FNIP1: variants seen among roughly 807,000 people sequenced by gnomAD.
FNIP1 encodes the protein folliculin-interacting protein 1.
FNIP1 carries 40 observed loss-of-function variants against 124.5 expected under a neutral mutation model. The ratio of observed to expected loss-of-function variants is 0.32; its 90% CI spans 0.25 to 0.42. The LOEUF is 0.42. FNIP1 is among the 10% of genes least tolerant of loss of function. The pLI is 1.00. For missense variants in FNIP1, 1,176 were observed against 1,403.7 expected, an observed-to-expected ratio of 0.84 and a Z score of 2.59; for synonymous variants, 472 against 470.6, an observed-to-expected ratio of 1.00 and a Z score of -0.04.
chr5:131,766,437 G>A (rs1429855018), intron 1 of FNIP1, among the ~76,000 whole-genome samples: 1 of 152,162 alleles, frequency 6.6e-6, no homozygotes, highest in Non-Finnish European at 1.5e-5. Context: ...CTACAATTCA[G>A]TTGAATGCTG....
intron 6 of FNIP1, among the ~76,000 whole-genome samples, chr5:131,712,298 T>C (rs1391472771): frequency 6.6e-6 from 1 of 152,216 alleles, no homozygotes; most frequent in African/African-American, 2.4e-5. Flanking sequence ...ATGCTCCTTA[T>C]AACTTCCTTA....
Position 131,672,155 on chromosome 5 carries a change from T to C in FNIP1, c.2289A>G (p.Ser763=). 1.2e-6 allele frequency: 2 copies of C among 1,614,210 alleles called. No homozygotes were observed. The highest frequency in any genetic ancestry group is 1.1e-5 in the South Asian group (1 of 91,092). ...CTGCCTGACTTCGAAGCTCAGTATC[T>C]GAATCAGGTGACATAGAATCCCCAA... is the stretch of plus-strand genomic sequence containing the variant. The part of the protein sequence containing the change: ...FLIGDSMSPD[S]DTELRSQAVV... The change falls in exon 14 of 18, where the codon TCA becomes TCG. Residue 763 remains serine, a synonymous_variant. Transcript: ENST00000510461.
intron 2 of FNIP1, among the ~76,000 whole-genome samples, chr5:131,735,631 C>T (rs968859479): frequency 8.8e-5 from 13 of 147,520 alleles, no homozygotes; most frequent in East Asian, 2.0e-4. Context: ...TATATGTATA[C>T]GTATATACGT....
rs73252083 is a variant in FNIP1, at chr5:131,745,961, T to G, written c.93-1271A>C. On this transcript the variant is annotated intron_variant, in intron 1 of 17. Coordinates refer to ENST00000510461, the MANE Select transcript of FNIP1 (RefSeq NM_133372.3). ...GAAAAGTGTAACCAGAAAAGGGACG[T>G]AACAGGTGAACTGGCGCAATGACTA... Among the ~76,000 whole-genome samples, 290 of 152,346 alleles carry G rather than the reference T, an allele frequency of 1.9e-3. 2 individuals carry two copies. Among genetic ancestry groups the G allele is most frequent in the African/African-American group, 5.9e-3 (245 of 41,574 alleles).
At chr5:131,793,288 G>T (rs912148037) in intron 1 of FNIP1, among the ~76,000 whole-genome samples, 1 of 152,204 alleles carries the variant, frequency 6.6e-6, no homozygotes, top group Middle Eastern at 3.4e-3. Context: ...CCCGCCATGG[G>T]CCTCCCAAAG....
At chr5:131,684,943 A>C (rs1768224205) in intron 11 of FNIP1, among the ~76,000 whole-genome samples, 1 of 152,250 alleles carries the variant, frequency 6.6e-6, no homozygotes, top group South Asian at 2.1e-4. Flanking sequence ...AGAATCCTGA[A>C]GGATTCTTTC....
intron 15 of FNIP1, among the ~76,000 whole-genome samples, chr5:131,669,290 A>G (rs1245205006): frequency 6.6e-6 from 1 of 152,210 alleles, no homozygotes; most frequent in Admixed American, 6.5e-5. Flanking sequence ...GAAAAAAAGT[A>G]GTACTAATCT....
chr5:131,673,003 T>A, intron 13 of FNIP1, 79 bp from the exon 14 acceptor site: 1 of 1,020,816 alleles, frequency 9.8e-7, no homozygotes, highest in Non-Finnish European at 1.4e-6. Flanking sequence ...ATCAGAAACC[T>A]ACTTCTTTTA....
intron 1 of FNIP1, among the ~76,000 whole-genome samples, chr5:131,768,443 T>C (rs960122668): frequency 3.4e-5 from 5 of 148,254 alleles, no homozygotes; most frequent in Non-Finnish European, 5.9e-5. Flanking sequence ...AGTATCCAAG[T>C]TGTTTAACTG....
intron 15 of FNIP1, among the ~76,000 whole-genome samples, chr5:131,659,344 A>G (rs1208821694): frequency 6.6e-6 from 1 of 152,226 alleles, no homozygotes; most frequent in African/African-American, 2.4e-5. Flanking sequence ...AGAGCGCCTC[A>G]GGGCAGCAGG....
At chr5:131,762,041 T>A (rs1467839538) in intron 1 of FNIP1, among the ~76,000 whole-genome samples, 1 of 151,954 alleles carries the variant, frequency 6.6e-6, no homozygotes, top group Non-Finnish European at 1.5e-5. Context: ...CCTGAGAAAA[T>A]TGGATATCCA....
At chr5:131,675,910 G>T (rs1033122708) in intron 13 of FNIP1, among the ~76,000 whole-genome samples, 3 of 152,070 alleles carry the variant, frequency 2.0e-5, no homozygotes, top group African/African-American at 7.2e-5. Flanking sequence ...CCCAGGCTAC[G>T]GTGCAGTGGC....
At chr5:131,732,887 G>A (rs1770147108) in intron 2 of FNIP1, among the ~76,000 whole-genome samples, 1 of 152,134 alleles carries the variant, frequency 6.6e-6, no homozygotes, top group Non-Finnish European at 1.5e-5. Context: ...TAGCTTGATG[G>A]GGATGGCACT....
At chr5:131,786,341 A>C (rs1008554243) in intron 1 of FNIP1, among the ~76,000 whole-genome samples, 2 of 152,250 alleles carry the variant, frequency 1.3e-5, no homozygotes, top group African/African-American at 4.8e-5. Context: ...TAGATATATA[A>C]AAATGCAATT....
At chr5:131,784,904 C>T (rs1772112249) in intron 1 of FNIP1, among the ~76,000 whole-genome samples, 1 of 147,726 alleles carries the variant, frequency 6.8e-6, no homozygotes, top group Non-Finnish European at 1.5e-5. Flanking sequence ...AGCAGTTTGC[C>T]TCTAAGATCA....
chr5:131,712,334 A>G (rs551674626), intron 6 of FNIP1, among the ~76,000 whole-genome samples: 3 of 151,640 alleles, frequency 2.0e-5, no homozygotes, highest in East Asian at 1.9e-4. Context: ...AACACAATCA[A>G]TTCTCTTCTA....
At chr5:131,694,219 T>C (rs1458970685) in intron 11 of FNIP1, among the ~76,000 whole-genome samples, 1 of 152,208 alleles carries the variant, frequency 6.6e-6, no homozygotes, top group Non-Finnish European at 1.5e-5. Context: ...CATGCTCCTA[T>C]GTATTTTTCC....
intron 10 of FNIP1, among the ~76,000 whole-genome samples, chr5:131,701,703 T>C (rs1330027275): frequency 6.6e-6 from 1 of 152,210 alleles, no homozygotes. Context: ...TAAACCATTC[T>C]AACGGGTCTA....
rs565193334 is a variant in FNIP1, at chr5:131,705,776, C to T, written c.914+635G>A. On this transcript the variant is annotated intron_variant, in intron 9 of 17. Coordinates refer to ENST00000510461, the MANE Select transcript of FNIP1 (RefSeq NM_133372.3). ...ACCAAAAGTATTGAAAATGGGGACTCGAACAGATACTTGCACACTCATGTT... is the reference window on the plus strand; with the variant it reads ...ACCAAAAGTATTGAAAATGGGGACTTGAACAGATACTTGCACACTCATGTT... Among the ~76,000 whole-genome samples the T allele has an allele frequency of 2.0e-5, 3 of 152,130 alleles. No homozygotes were observed. In the East Asian group the frequency reaches 5.8e-4, roughly 29 times the overall value.
Sources: gnomAD v4.1 joint callset for allele counts (sites outside exome capture counted in the v4.1 genomes callset) on GRCh38, gnomAD v4.1.1 for gene constraint, MANE v1.5 for transcripts, NCBI Gene and HGNC (gene_info 2026-07-23, HGNC 2026-07-21) for gene names.